PLEKHG1: variants seen among roughly 807,000 people sequenced by gnomAD.
The protein encoded by PLEKHG1 is pleckstrin homology and RhoGEF domain containing G1.
PLEKHG1 carries 44 observed loss-of-function variants against 100.8 expected under a neutral mutation model. The observed-to-expected ratio is 0.44, with a 90% CI of 0.34 to 0.56. PLEKHG1 has a LOEUF of 0.56. Ranked by LOEUF, PLEKHG1 falls within the 20% of genes least tolerant of loss-of-function variation. The pLI, the probability that PLEKHG1 is intolerant of heterozygous loss-of-function variation, is 0.01. For synonymous variants in PLEKHG1, 640 were observed against 662.5 expected, an observed-to-expected ratio of 0.97 and a Z score of 0.52; for missense variants, 1,545 against 1,720.9, an observed-to-expected ratio of 0.90 and a Z score of 1.81.
intron 3 of PLEKHG1, among the ~76,000 whole-genome samples, chr6:150,778,401 T>G (rs1785112073): frequency 6.6e-6 from 1 of 152,156 alleles, no homozygotes; most frequent in Admixed American, 6.5e-5. Context: ...GTGTTGGTAT[T>G]ATAGGCATGA....
chr6:150,840,915 C>T, exon 16 of PLEKHG1: 1 of 1,525,436 alleles, frequency 6.6e-7, no homozygotes, highest in Non-Finnish European at 9.1e-7. Context: ...ATAATAACTG[C>T]TTGAATCAAC....
At chr6:150,795,868 C>A (rs1435426529) in exon 5 of PLEKHG1, 2 of 1,602,078 alleles carry the variant, frequency 1.2e-6, no homozygotes, top group Non-Finnish European at 1.7e-6. Context: ...TGAAGAGTTC[C>A]ACATTTATAC....
intron 2 of PLEKHG1, among the ~76,000 whole-genome samples, chr6:150,739,144 G>T (rs1782717874): frequency 6.6e-6 from 1 of 152,112 alleles, no homozygotes; most frequent in Admixed American, 6.5e-5. Flanking sequence ...TTTTAAAATA[G>T]TTCATAATGT....
intron 5 of PLEKHG1, among the ~76,000 whole-genome samples, chr6:150,799,639 A>G (rs1320495479): frequency 6.6e-6 from 1 of 152,214 alleles, no homozygotes; most frequent in African/African-American, 2.4e-5. Context: ...CATGATGGAG[A>G]GTTTTGAAAT....
intron 3 of PLEKHG1, among the ~76,000 whole-genome samples, chr6:150,694,195 C>T (rs764355846): frequency 5.3e-5 from 8 of 152,118 alleles, no homozygotes; most frequent in Non-Finnish European, 1.2e-4. Context: ...ACTCTGCTAC[C>T]GGAAATTATT....
In PLEKHG1 at chr6:150,768,597, G is replaced by A. The variant is rs1784557523; in HGVS notation, c.412-41G>A. The A allele has an allele frequency of 2.9e-6, 3 of 1,041,026 alleles. No individual in the cohort carries two copies. In the South Asian group the frequency reaches 3.8e-5, roughly 13 times the overall value. 64.5% of individuals were successfully genotyped at this position (1,041,026 alleles called of 1,614,324 possible). On this transcript the variant is annotated intron_variant, in intron 2 of 15. Coordinates refer to ENST00000358517, the Ensembl canonical transcript of PLEKHG1. ...GGCATAATTAAAGATGACTTGGAAA[G>A]GACAGGAGTGTTTAAGGCATCCTTC...
chr6:150,669,459 G>C (rs574010282), intron 3 of PLEKHG1, among the ~76,000 whole-genome samples: 1 of 152,026 alleles, frequency 6.6e-6, no homozygotes, highest in East Asian at 1.9e-4. Flanking sequence ...TTTAGCTAAT[G>C]GATAAAATAA....
At chr6:150,772,012 T>C (rs1784736928) in intron 3 of PLEKHG1, among the ~76,000 whole-genome samples, 1 of 152,210 alleles carries the variant, frequency 6.6e-6, no homozygotes, top group African/African-American at 2.4e-5. Flanking sequence ...TTATAAACAA[T>C]ATTGAATCCA....
chr6:150,841,636 C>G (rs1777535939), exon 16 of PLEKHG1: 1 of 152,132 alleles, frequency 6.6e-6, no homozygotes, highest in Admixed American at 6.5e-5. Context: ...TAGAGAAAAC[C>G]AAGGTCAATA....
At chr6:150,638,467 C>A (rs1778111631) in intron 2 of PLEKHG1, among the ~76,000 whole-genome samples, 1 of 152,210 alleles carries the variant, frequency 6.6e-6, no homozygotes, top group Non-Finnish European at 1.5e-5. Context: ...TCCTAACATT[C>A]ATTGACCCTT....
At chr6:150,722,326 CTTTTCTT>C (rs1180130697) in intron 1 of PLEKHG1, among the ~76,000 whole-genome samples, 2 of 98,594 alleles carry the variant, frequency 2.0e-5, no homozygotes, top group Non-Finnish European at 3.7e-5. Flanking sequence ...TCTCTGCCTC[CTTTTCTT>C]TTTTCTTTTT....
intron 14 of PLEKHG1, among the ~76,000 whole-genome samples, chr6:150,825,088 T>C (rs1583203993): frequency 6.6e-6 from 1 of 152,108 alleles, no homozygotes; most frequent in Non-Finnish European, 1.5e-5. Context: ...TTCTAGAGAT[T>C]CAGTCTCAGG....
chr6:150,671,343 A>T (rs1037369455), intron 3 of PLEKHG1, among the ~76,000 whole-genome samples: 2 of 152,170 alleles, frequency 1.3e-5, no homozygotes, highest in Non-Finnish European at 2.9e-5. Flanking sequence ...GTACTAGTTT[A>T]TATTCCCACC....
At chr6:150,825,448 G>A (rs1776544267) in intron 14 of PLEKHG1, among the ~76,000 whole-genome samples, 2 of 152,110 alleles carry the variant, frequency 1.3e-5, no homozygotes, top group East Asian at 3.9e-4. Context: ...GGGTGTGGTG[G>A]CTTGTGCCTG....
intron 3 of PLEKHG1, among the ~76,000 whole-genome samples, chr6:150,779,844 T>C (rs1482421707): frequency 3.3e-5 from 5 of 151,464 alleles, no homozygotes. Flanking sequence ...CACGTGCCTG[T>C]AGTCCCAGCT....
At chr6:150,639,233 G>C (rs1423489505) in intron 2 of PLEKHG1, among the ~76,000 whole-genome samples, 1 of 152,180 alleles carries the variant, frequency 6.6e-6, no homozygotes, top group Non-Finnish European at 1.5e-5. Flanking sequence ...CACTAGAATA[G>C]AGGATGGGTA....
At chr6:150,782,470 A>C (rs1358761196) in intron 3 of PLEKHG1, among the ~76,000 whole-genome samples, 1 of 152,186 alleles carries the variant, frequency 6.6e-6, no homozygotes, top group African/African-American at 2.4e-5. Flanking sequence ...CCTTCAACCC[A>C]TTACCACTTG....
intron 1 of PLEKHG1, among the ~76,000 whole-genome samples, chr6:150,628,575 C>CACACACACACCCACACACACACAT (rs754227842): frequency 7.3e-6 from 1 of 137,370 alleles, no homozygotes; most frequent in Non-Finnish European, 1.6e-5. Context: ...CACACACACA[C>CACACACACACCCACACACACACAT]ACCCCGTCCT....
At chr6:150,616,959 G>A (rs1777099652) in intron 1 of PLEKHG1, among the ~76,000 whole-genome samples, 2 of 152,166 alleles carry the variant, frequency 1.3e-5, no homozygotes, top group South Asian at 4.1e-4. Flanking sequence ...TGAGGGAGAT[G>A]TGATTTAAAT....
Sources: allele counts gnomAD v4.1 joint callset (sites outside exome capture counted in the v4.1 genomes callset), GRCh38; gene constraint gnomAD v4.1.1; transcripts MANE v1.5; gene names NCBI Gene and HGNC (gene_info 2026-07-23, HGNC 2026-07-21).